The following SLC39A8 variants were observed in gnomAD, a reference collection of about 807,000 sequenced individuals.
SLC39A8 encodes the protein metal cation symporter ZIP8.
Under a neutral mutation model 40.4 loss-of-function variants are expected in SLC39A8, and 15 were observed. That is an observed-to-expected ratio of 0.37 (90% CI 0.25 to 0.57). SLC39A8 has a LOEUF of 0.57. SLC39A8 is among the 20% of genes least tolerant of loss of function. SLC39A8 has a pLI of 0.75. For synonymous variants in SLC39A8, 223 were observed against 221.6 expected (o/e 1.01, Z -0.06); for missense variants, 472 against 558.8 (o/e 0.84, Z 1.57).
At chr4:102,324,300 C>T in intron 2 of SLC39A8, 1 of 295,596 alleles carries the variant, frequency 3.4e-6, no homozygotes, top group Non-Finnish European at 6.9e-6. Flanking sequence ...AAGGCTGAGG[C>T]AGGAGAATCG....
At chr4:102,330,699 A>G (rs958793713) in intron 2 of SLC39A8, among the ~76,000 whole-genome samples, 1 of 152,206 alleles carries the variant, frequency 6.6e-6, no homozygotes. Context: ...CCTGATACCA[A>G]AACCTGGCAA....
chr4:102,322,906 C>T (rs1735023876), intron 2 of SLC39A8, among the ~76,000 whole-genome samples: 1 of 152,184 alleles, frequency 6.6e-6, no homozygotes, highest in Non-Finnish European at 1.5e-5. Context: ...AGCAGCAGAA[C>T]TGGGGTTAGA....
intron 6 of SLC39A8, among the ~76,000 whole-genome samples, chr4:102,275,304 A>T (rs1732567658): frequency 6.7e-6 from 1 of 150,304 alleles, no homozygotes; most frequent in Non-Finnish European, 1.5e-5. Context: ...AAAAACAAAA[A>T]CAAAACAAAA....
intron 6 of SLC39A8, among the ~76,000 whole-genome samples, chr4:102,291,571 G>T (rs1373852727): frequency 2.6e-5 from 4 of 152,016 alleles, no homozygotes; most frequent in Admixed American, 6.6e-5. Flanking sequence ...TCTCAAAGAA[G>T]GTCCAATATA....
At chr4:102,276,422 C>G (rs1473146348) in intron 6 of SLC39A8, among the ~76,000 whole-genome samples, 4 of 152,048 alleles carry the variant, frequency 2.6e-5, no homozygotes, top group Admixed American at 2.0e-4. Flanking sequence ...ATACAGCATC[C>G]CAAGACTAAA....
chr4:102,251,526 C>T (rs1477786088), exon 12 of SLC39A8: 1 of 151,878 alleles, frequency 6.6e-6, no homozygotes, highest in African/African-American at 2.4e-5. Flanking sequence ...TACCTGGGCC[C>T]AAGAATTAAA....
At chr4:102,263,293 C>A (rs1731950916) in intron 8 of SLC39A8, 100 bp from the exon 9 acceptor site, 1 of 1,003,636 alleles carries the variant, frequency 1.0e-6, no homozygotes, top group South Asian at 1.5e-5. Flanking sequence ...GGGTTTGGTT[C>A]CAGACCAGTG....
At chr4:102,307,139 T>A (rs1440790991) in intron 4 of SLC39A8, among the ~76,000 whole-genome samples, 2 of 151,966 alleles carry the variant, frequency 1.3e-5, no homozygotes, top group African/African-American at 4.8e-5. Flanking sequence ...TGTGGAAAAA[T>A]TAAATTTGCC....
chr4:102,325,575 G>C (rs573757276), intron 2 of SLC39A8, among the ~76,000 whole-genome samples: 1 of 152,260 alleles, frequency 6.6e-6, no homozygotes, highest in Admixed American at 6.5e-5. Context: ...AGATTATTAT[G>C]AAACAATATA....
intron 6 of SLC39A8, among the ~76,000 whole-genome samples, chr4:102,277,901 A>G (rs1732693087): frequency 6.6e-6 from 1 of 152,228 alleles, no homozygotes; most frequent in Non-Finnish European, 1.5e-5. Context: ...TTCCCTATTT[A>G]ATAAATGGTT....
At chr4:102,270,091 G>T (rs1732279514) in intron 6 of SLC39A8, among the ~76,000 whole-genome samples, 2 of 152,138 alleles carry the variant, frequency 1.3e-5, no homozygotes, top group African/African-American at 2.4e-5. Context: ...TACTTAATGA[G>T]ATTATTTTGA....
At chr4:102,308,159 TG>T (rs1734273535) in intron 3 of SLC39A8, among the ~76,000 whole-genome samples, 1 of 151,914 alleles carries the variant, frequency 6.6e-6, no homozygotes, top group South Asian at 2.1e-4. Flanking sequence ...TCAGAGAAGG[TG>T]GCACCAGCAG....
At chr4:102,333,399 G>A (rs1358095830) in intron 2 of SLC39A8, among the ~76,000 whole-genome samples, 1 of 152,238 alleles carries the variant, frequency 6.6e-6, no homozygotes, top group South Asian at 2.1e-4. Context: ...ATTACACAAA[G>A]AGGATGTTGG....
chr4:102,299,697 T>C (rs1578589269), intron 6 of SLC39A8, among the ~76,000 whole-genome samples: 1 of 152,040 alleles, frequency 6.6e-6, no homozygotes, highest in South Asian at 2.1e-4. Context: ...ACACATAAAA[T>C]TCACAATAAT....
downstream of SLC39A8, among the ~76,000 whole-genome samples, chr4:102,258,272 A>G (rs78966950): frequency 0.011 from 1,705 of 152,010 alleles, 28 homozygotes; most frequent in African/African-American, 0.036. Context: ...TAATTTTTAA[A>G]GGGCAGATAT....
chr4:102,305,232 T>C, intron 4 of SLC39A8, 121 bp from the exon 5 acceptor site: 1 of 1,062,800 alleles, frequency 9.4e-7, no homozygotes, highest in Non-Finnish European at 1.3e-6. Flanking sequence ...CAAGTAATAT[T>C]GGAAACTTAG....
At chr4:102,259,473 A>G (rs1731787298), downstream of SLC39A8, 1 of 1,548,380 alleles carries the variant, frequency 6.5e-7, no homozygotes, top group Non-Finnish European at 8.7e-7. Flanking sequence ...TCCAAAGTAA[A>G]TGAAGTTGAG....
At chr4:102,267,419 GTTAAC>G in intron 8 of SLC39A8, 66 bp downstream of exon 8, 1 of 1,407,652 alleles carries the variant, frequency 7.1e-7, no homozygotes, top group East Asian at 2.5e-5. Flanking sequence ...GCCACCCTTA[GTTAAC>G]TTATAATCCA....
intron 2 of SLC39A8, among the ~76,000 whole-genome samples, chr4:102,335,094 A>G (rs1483793947): frequency 1.3e-5 from 2 of 152,198 alleles, no homozygotes; most frequent in Non-Finnish European, 2.9e-5. Flanking sequence ...CTAGCTGTTC[A>G]TGCTAATGTG....
Sources: gnomAD v4.1 joint callset for allele counts (sites outside exome capture counted in the v4.1 genomes callset) on GRCh38, gnomAD v4.1.1 for gene constraint, MANE v1.5 for transcripts, NCBI Gene and HGNC (gene_info 2026-07-23, HGNC 2026-07-21) for gene names.